Variants in DYNC1H1 observed in about 807,000 individuals in gnomAD.
The protein encoded by DYNC1H1 is cytoplasmic dynein 1 heavy chain 1.
Under a neutral mutation model 527.1 loss-of-function variants are expected in DYNC1H1, and 51 were observed. That is an observed-to-expected ratio of 0.10 (90% CI 0.08 to 0.12). DYNC1H1 has a LOEUF of 0.12. Ranked by LOEUF, DYNC1H1 falls within the 10% of genes least tolerant of loss-of-function variation. The probability of loss-of-function intolerance (pLI) is 1.00; values close to 1 mark genes in which losing one functional copy is unlikely to be tolerated. For missense variants in DYNC1H1, 2,771 were observed against 5,971.8 expected, an observed-to-expected ratio of 0.46 and a Z score of 17.66; for synonymous variants, 2,189 against 2,278.8, an observed-to-expected ratio of 0.96 and a Z score of 1.12.
At chr14:101,977,353 A>C (rs1189654417) in intron 2 of DYNC1H1, among the ~76,000 whole-genome samples, 1 of 152,190 alleles carries the variant, frequency 6.6e-6, no homozygotes. Context: ...TTGCGTGAAT[A>C]GTATATAGAA....
rs773095923 is a variant in DYNC1H1, at chr14:102,044,090, GA to G, written c.12684+47del. ...GGACAGACAGTGGACGTGTATCTGG[GA>G]AGGATGCTGCAGGGCGTGGTGCTGA... On this transcript the variant is annotated intron_variant, in intron 70 of 77. Transcript: ENST00000360184. The surrounding 1 kb of genome is among the most constrained non-coding windows in gnomAD (Gnocchi z 7.1). 3 of 1,609,078 alleles carry G rather than the reference GA, an allele frequency of 1.9e-6. No homozygotes were observed. In the African/African-American group the frequency reaches 4.0e-5, roughly 21 times the overall value.
At chr14:102,034,279 A>G in intron 55 of DYNC1H1, 46 bp from the exon 56 acceptor site, 2 of 1,614,248 alleles carry the variant, frequency 1.2e-6, no homozygotes, top group South Asian at 1.1e-5. Context: ...GAACAGTCCC[A>G]TCTGTGGCTG....
At chr14:102,028,570 G>A (rs2048476434) in intron 48 of DYNC1H1, 1 of 254,816 alleles carries the variant, frequency 3.9e-6, no homozygotes, top group South Asian at 4.8e-5. Flanking sequence ...ACTGTTATTT[G>A]TAAAGGAAAT....
rs1349886491 is a variant in DYNC1H1, at chr14:102,044,730, G to T, written c.13006+32G>T. On this transcript the variant is annotated intron_variant, in intron 72 of 77. Coordinates refer to ENST00000360184, the MANE Select transcript of DYNC1H1 (RefSeq NM_001376.5). The surrounding 1 kb of genome is among the most constrained non-coding windows in gnomAD (Gnocchi z 7.1). Reference sequence around the variant, plus strand: ...AACAAGGATCCTCCCCACACGCAGGGTGGGTGGCGAGGGTCCCCTCACGCG... The same window carrying T: ...AACAAGGATCCTCCCCACACGCAGGTTGGGTGGCGAGGGTCCCCTCACGCG... 1 of 1,400,272 alleles carries T rather than the reference G, an allele frequency of 7.1e-7. No individual in the cohort carries two copies. 86.7% of individuals were successfully genotyped at this position (1,400,272 alleles called of 1,614,324 possible). A position where few individuals can be genotyped will look rare whatever the true frequency, so the allele number is the denominator to read the frequency against.
At chr14:102,030,057 A>T (rs1006074196) in intron 50 of DYNC1H1, 105 bp from the exon 51 acceptor site, 325 of 1,520,458 alleles carry the variant, frequency 2.1e-4, no homozygotes, top group African/African-American at 1.6e-3. Context: ...AGGGAGAGAG[A>T]GTGTGTGTGT....
chr14:102,036,609 T>C lies in DYNC1H1; in HGVS notation c.10875T>C (p.Ser3625=). 1.2e-6 allele frequency: 2 copies of C among 1,613,962 alleles called. No individual in the cohort carries two copies. Among genetic ancestry groups the C allele is most frequent in the Non-Finnish European group, 1.7e-6 (2 of 1,179,978 alleles). The change falls in exon 57 of 78, where the codon AGT becomes AGC. Residue 3625 remains serine (S), a synonymous_variant. Transcript: ENST00000360184. The surrounding 1 kb of genome is among the most constrained non-coding windows in gnomAD (Gnocchi z 5.6). ...ACGCCTTCAGAAAGAACTTAGAGAG[T>C]GCACTGAGATTCGGTAACCCCCTTC... ...LDDAFRKNLE[S]ALRFGNPLLV...
At chr14:102,004,444 T>C (rs2048173737) in intron 23 of DYNC1H1, 74 bp from the exon 24 acceptor site, 2 of 1,496,834 alleles carry the variant, frequency 1.3e-6, no homozygotes, top group Non-Finnish European at 1.8e-6. Flanking sequence ...CTTCCTGCAG[T>C]TTGAAATCTT....
chr14:102,021,193 A>G (rs973065018), intron 42 of DYNC1H1, among the ~76,000 whole-genome samples: 2 of 152,290 alleles, frequency 1.3e-5, no homozygotes, highest in African/African-American at 2.4e-5. Flanking sequence ...CCTGACCAAC[A>G]TAGTGAGACC....
Position 102,034,065 on chromosome 14 carries a change from C to T in DYNC1H1, c.10503C>T (p.Ser3501=), listed in dbSNP as rs2048542113. 6.2e-7 allele frequency: 1 copy of T among 1,614,126 alleles called. No individual in the cohort carries two copies. The highest frequency in any genetic ancestry group is 8.5e-7 in the Non-Finnish European group (1 of 1,180,050). The part of the protein sequence containing the change: ...KTSETFKNQM[S]TIAGDCLLSA... ...GTGAAACTTTCAAAAACCAGATGTC[C>T]ACCATTGCTGGGGACTGTCTCTTGT... Residue 3501 remains serine, a synonymous_variant, in exon 55 of 78, where the codon TCC becomes TCT. Transcript: ENST00000360184.
At position 102,010,228 on chromosome 14, in the gene DYNC1H1, C is replaced by G; in HGVS notation, c.6222-48C>G. 6.2e-7 allele frequency: 1 copy of G among 1,613,296 alleles called. No individual in the cohort carries two copies. The highest frequency in any genetic ancestry group is 8.5e-7 in the Non-Finnish European group (1 of 1,179,806). ...TTCTTGACACTTGACCCTATTATTG[C>G]TTAAAGTATACTGTTATTAAAGATA... On this transcript the variant is annotated intron_variant, in intron 30 of 77. Transcript: ENST00000360184. The surrounding 1 kb of genome is among the most constrained non-coding windows in gnomAD (Gnocchi z 6.0).
chr14:102,052,250 C>T lies in DYNC1H1; in HGVS notation c.*1687C>T, dbSNP rs1406315736. ...CCGGGCTCAAGTGATCCTCCCACCT[C>T]AGCCTTCTGAGCAGCTGGGACCACA... On this transcript the variant is annotated 3_prime_UTR_variant, in exon 78 of 78. Transcript: ENST00000360184. 6.6e-6 allele frequency: 1 copy of T among 152,544 alleles called. No homozygotes were observed. The highest frequency in any genetic ancestry group is 1.5e-5 in the Non-Finnish European group (1 of 68,334). The allele number at this position is 152,544 out of a possible 1,614,324, so 9.4% of individuals were successfully genotyped here.
At chr14:102,021,643 C>CT (rs33943423) in intron 42 of DYNC1H1, among the ~76,000 whole-genome samples, 46,306 of 143,536 alleles carry the variant, frequency 0.32, 10,688 homozygotes, top group African/African-American at 0.66. Context: ...GTTCCCATTT[C>CT]TTTTTTCTTT....
At chr14:102,006,212 A>C (rs2048194915) in intron 27 of DYNC1H1, 42 bp downstream of exon 27, 1 of 1,606,474 alleles carries the variant, frequency 6.2e-7, no homozygotes, top group South Asian at 1.1e-5. Context: ...ATCATATATT[A>C]AAATGTTTAA....
At chr14:102,046,666 C>G (rs769819590) in intron 72 of DYNC1H1, among the ~76,000 whole-genome samples, 2 of 152,198 alleles carry the variant, frequency 1.3e-5, no homozygotes, top group African/African-American at 2.4e-5. Flanking sequence ...CCTCCTGGAG[C>G]GCCTCTCGAG....
At chr14:101,972,448 A>G (rs1595594265) in intron 1 of DYNC1H1, among the ~76,000 whole-genome samples, 1 of 152,376 alleles carries the variant, frequency 6.6e-6, no homozygotes, top group African/African-American at 2.4e-5. Context: ...TTAGCAAAGC[A>G]GCAGGGAATA....
rs776972173 is a variant in DYNC1H1, at chr14:102,044,038, C to A, written c.12677C>A (p.Thr4226Lys). Residue 4226 changes from threonine (T) to lysine (K), a missense_variant, in exon 70 of 78, where the codon ACG (threonine) becomes AAG (lysine). By Grantham distance (78) the Thr-to-Lys change is moderately conservative (BLOSUM62 -1). Around this residue, in one of 32 missense-constraint regions of DYNC1H1, gnomAD observed 195 missense variants for 428.6 expected, o/e 0.45. Transcript: ENST00000360184. This position sits in a 1 kb window ranked among gnomAD's most constrained non-coding sequence, Gnocchi z 7.1. ...ACGGTGGACACGTGGCTGGATGACA[C>A]GGCCAAGGCAAGTGTGGGCCATGCC... Reference protein sequence around the residue: ...CDTVDTWLDDTAKGRQNISPD... With the variant: ...CDTVDTWLDDKAKGRQNISPD... 6.2e-7 allele frequency: 1 copy of A among 1,613,780 alleles called. No homozygotes were observed. The highest frequency in any genetic ancestry group is 1.3e-5 in the African/African-American group (1 of 75,066).
rs1382089611 is a variant in DYNC1H1 at position 102,002,714 on chromosome 14, C to T, written c.4709+11C>T. The T allele has an allele frequency of 3.1e-6, 5 of 1,614,122 alleles. No homozygotes were observed. Among genetic ancestry groups the T allele is most frequent in the Non-Finnish European group, 3.4e-6 (4 of 1,180,056 alleles). ...CCAGCGGTTTCAGAGGTATGGCCTC[C>T]AGCCAGAGAGCCAAATTTGCCAGCG... On this transcript the variant is annotated intron_variant, in intron 22 of 77. Coordinates refer to ENST00000360184, the MANE Select transcript of DYNC1H1 (RefSeq NM_001376.5). This position sits in a 1 kb window ranked among gnomAD's most constrained non-coding sequence, Gnocchi z 4.4.
chr14:101,971,978 C>G (rs1041340329), intron 1 of DYNC1H1, among the ~76,000 whole-genome samples: 1 of 152,098 alleles, frequency 6.6e-6, no homozygotes, highest in African/African-American at 2.4e-5. Flanking sequence ...TACTTTGATT[C>G]TTTGAATGCA....
Position 102,001,544 on chromosome 14 carries a change from G to C in DYNC1H1, c.4405G>C (p.Val1469Leu). The C allele has an allele frequency of 6.2e-7, 1 of 1,614,146 alleles. No homozygotes were observed. The highest frequency in any genetic ancestry group is 8.5e-7 in the Non-Finnish European group (1 of 1,180,028). The change falls in exon 21 of 78, where the codon GTG becomes CTG. Residue 1469 changes from valine (V) to leucine (L), a missense_variant. Coordinates refer to ENST00000360184, the MANE Select transcript of DYNC1H1 (RefSeq NM_001376.5). This position sits in a 1 kb window ranked among gnomAD's most constrained non-coding sequence, Gnocchi z 5.0. Reference protein sequence around the residue: ...LEEFLKQIREVWNTYELDLVN... With the variant: ...LEEFLKQIRELWNTYELDLVN... ...TCTGGTTTGAATTCAGATAAGAGAA[G>C]TGTGGAATACTTATGAACTAGACTT...
Sources: gnomAD v4.1 joint callset for allele counts (sites outside exome capture counted in the v4.1 genomes callset) on GRCh38, gnomAD v4.1.1 for gene constraint, gnomAD v4.1.1 regional missense constraint, Gnocchi (gnomAD v3.1) non-coding constraint, MANE v1.5 for transcripts, NCBI Gene and HGNC (gene_info 2026-07-23, HGNC 2026-07-21) for gene names.